Variants in SUGCT observed in about 807,000 individuals in gnomAD.
SUGCT encodes succinyl-CoA:glutarate-CoA transferase.
A neutral mutation model predicts 55.0 loss-of-function variants in SUGCT; 41 were observed. The observed-to-expected ratio is 0.74, with a 90% CI of 0.58 to 0.97. SUGCT has a LOEUF of 0.97. Among genes scored for constraint, SUGCT ranks in the 50% least tolerant of loss-of-function variants. The pLI is 0.00. For missense variants in SUGCT, 568 were observed against 547.8 expected (o/e 1.04, Z -0.37); for synonymous variants, 187 against 200.4 (o/e 0.93, Z 0.56).
At chr7:40,945,268 G>A in the SUGCT span, among the ~76,000 whole-genome samples, 1 of 152,120 alleles carries the variant, frequency 6.6e-6, no homozygotes, top group Non-Finnish European at 1.5e-5. Context: ...CAGCAGAAAA[G>A]TGGACTACCT....
chr7:40,239,194 C>A (rs1385887248), intron 7 of SUGCT, among the ~76,000 whole-genome samples: 3 of 152,118 alleles, frequency 2.0e-5, no homozygotes, highest in African/African-American at 7.2e-5. Context: ...GATTCTCCAA[C>A]CTCAGCCTCC....
chr7:40,248,957 C>T (rs939711759), intron 7 of SUGCT, among the ~76,000 whole-genome samples: 1 of 151,916 alleles, frequency 6.6e-6, no homozygotes, highest in African/African-American at 2.4e-5. Context: ...CTCTCTCACT[C>T]TCTCTTAAAA....
the SUGCT span, among the ~76,000 whole-genome samples, chr7:40,996,993 T>A: frequency 6.6e-6 from 1 of 152,178 alleles, no homozygotes; most frequent in African/African-American, 2.4e-5. Context: ...GCATGATCTT[T>A]CTGGCTCACT....
the SUGCT span, among the ~76,000 whole-genome samples, chr7:40,896,815 A>G: frequency 2.4e-4 from 36 of 152,336 alleles, no homozygotes; most frequent in South Asian, 1.4e-3. Context: ...CGCAATCCCA[A>G]TGAAAATTCC....
chr7:40,821,306 T>C (rs1416607364), intron 13 of SUGCT, among the ~76,000 whole-genome samples: 1 of 152,182 alleles, frequency 6.6e-6, no homozygotes, highest in Non-Finnish European at 1.5e-5. Context: ...ATTCCCTCTT[T>C]TTCTATTGAT....
chr7:40,382,501 A>T (rs1009774170), intron 9 of SUGCT, among the ~76,000 whole-genome samples: 2 of 152,144 alleles, frequency 1.3e-5, no homozygotes, highest in African/African-American at 4.8e-5. Flanking sequence ...AATACTCTGC[A>T]AGGGCACAGA....
At chr7:40,574,487 AGTG>A (rs1205232126) in intron 12 of SUGCT, among the ~76,000 whole-genome samples, 1 of 151,926 alleles carries the variant, frequency 6.6e-6, no homozygotes, top group Non-Finnish European at 1.5e-5. Context: ...GCTGGAGTGC[AGTG>A]GTGTGATCTT....
chr7:40,482,498 T>A (rs1791108414), intron 11 of SUGCT, among the ~76,000 whole-genome samples: 1 of 152,350 alleles, frequency 6.6e-6, no homozygotes, highest in East Asian at 1.9e-4. Context: ...GATATTTAAA[T>A]ATTTTTTCTT....
intron 12 of SUGCT, among the ~76,000 whole-genome samples, chr7:40,632,894 G>A (rs949596122): frequency 3.9e-5 from 6 of 152,142 alleles, no homozygotes; most frequent in Non-Finnish European, 8.8e-5. Flanking sequence ...TACATTTCAT[G>A]AGTCTGGATA....
chr7:40,330,806 C>T (rs12701819), intron 9 of SUGCT, among the ~76,000 whole-genome samples: 85,580 of 151,854 alleles, frequency 0.56, 24,184 homozygotes, highest in South Asian at 0.65. Context: ...ATATAATTTT[C>T]TTTTGTTCAA....
chr7:40,898,823 G>A, the SUGCT span, among the ~76,000 whole-genome samples: 1 of 152,110 alleles, frequency 6.6e-6, no homozygotes, highest in African/African-American at 2.4e-5. Context: ...ACTCGGTGAG[G>A]CTTTTGGGGG....
At chr7:40,907,138 TGTGAGAG>T in the SUGCT span, among the ~76,000 whole-genome samples, 1 of 35,406 alleles carries the variant, frequency 2.8e-5, no homozygotes, top group Non-Finnish European at 6.9e-5. Context: ...TGTGTGTGTG[TGTGAGAG>T]AGAGAGAGAG....
the SUGCT span, among the ~76,000 whole-genome samples, chr7:40,952,884 C>T: frequency 6.6e-6 from 1 of 152,182 alleles, no homozygotes; most frequent in Non-Finnish European, 1.5e-5. Flanking sequence ...CTGCCCTTAA[C>T]ATTTTTTCCT....
rs183376893 is a variant in SUGCT at position 40,624,635 on chromosome 7, C to T, written c.1090-124799C>T. The stretch of plus-strand genomic sequence containing the variant: ...AAACAGCCAAATGCACCTCTATATG[C>T]GGTTTTAAACTGCGATGGTTAGACT... On this transcript the variant is annotated intron_variant, in intron 12 of 13. Transcript: ENST00000335693. Among the ~76,000 whole-genome samples the T allele has an allele frequency of 3.5e-4, 53 of 152,140 alleles. 1 individual carries two copies. In the East Asian group the frequency reaches 5.6e-3, roughly 16 times the overall value.
intron 9 of SUGCT, among the ~76,000 whole-genome samples, chr7:40,378,493 G>A (rs947304467): frequency 2.0e-5 from 3 of 151,864 alleles, no homozygotes; most frequent in African/African-American, 7.3e-5. Flanking sequence ...TTTCTTTTCA[G>A]ATGGAGTCTT....
intron 12 of SUGCT, among the ~76,000 whole-genome samples, chr7:40,639,166 A>G (rs1800151371): frequency 6.6e-6 from 1 of 152,152 alleles, no homozygotes; most frequent in South Asian, 2.1e-4. Context: ...ATGCTATACT[A>G]TCTGTTTATA....
chr7:41,037,740 C>G, the SUGCT span, among the ~76,000 whole-genome samples: 1 of 136,706 alleles, frequency 7.3e-6, no homozygotes, highest in African/African-American at 2.7e-5. Context: ...CATGTGTGCA[C>G]TTTTTTTTTT....
In SUGCT at chr7:40,331,885, T is replaced by C. The variant is rs543560777; in HGVS notation, c.816+15030T>C. 3.9e-4 allele frequency among the ~76,000 whole-genome samples: 60 copies of C among 152,336 alleles called. 1 individual carries two copies. Among genetic ancestry groups the C allele is most frequent in the Admixed American group, 3.9e-3 (59 of 15,298 alleles). On this transcript the variant is annotated intron_variant, in intron 9 of 13. Coordinates refer to ENST00000335693, the MANE Select transcript of SUGCT (RefSeq NM_001193313.2). Reference sequence around the variant, plus strand: ...CTCATGGTGATCAAGCTCAGTAGAATTGTTAGCACCGTTAGTGTTGTTAGT... The same window carrying C: ...CTCATGGTGATCAAGCTCAGTAGAACTGTTAGCACCGTTAGTGTTGTTAGT...
At chr7:40,613,131 T>TA (rs199932735) in intron 12 of SUGCT, among the ~76,000 whole-genome samples, 6 of 149,206 alleles carry the variant, frequency 4.0e-5, no homozygotes, top group East Asian at 2.0e-4. Context: ...AGACTCCATC[T>TA]AAAAAAAAAA....
Sources: allele counts gnomAD v4.1 joint callset (sites outside exome capture counted in the v4.1 genomes callset), GRCh38; gene constraint gnomAD v4.1.1; transcripts MANE v1.5; gene names NCBI Gene and HGNC (gene_info 2026-07-23, HGNC 2026-07-21).